The following SSBP3 variants were observed in gnomAD, a reference collection of about 807,000 sequenced individuals.
The protein encoded by SSBP3 is single stranded DNA binding protein 3, also known as single-stranded DNA-binding protein 3.
A neutral mutation model predicts 69.6 loss-of-function variants in SSBP3; 5 were observed. That is an observed-to-expected ratio of 0.07 (90% CI 0.04 to 0.15). The LOEUF (loss-of-function observed/expected upper bound fraction) is 0.15. Ranked by LOEUF, SSBP3 falls within the 10% of genes least tolerant of loss-of-function variation. The pLI, the probability that SSBP3 is intolerant of heterozygous loss-of-function variation, is 1.00. For missense variants in SSBP3, 312 were observed against 534.0 expected, an observed-to-expected ratio of 0.58 and a Z score of 4.10; for synonymous variants, 196 against 193.4, an observed-to-expected ratio of 1.01 and a Z score of -0.11.
chr1:54,236,611 C>T (rs1434592310), intron 14 of SSBP3: 1 of 152,206 alleles, frequency 6.6e-6, no homozygotes, highest in Non-Finnish European at 1.5e-5. Context: ...ATTCTCATCT[C>T]AATGCATTTC....
rs1200064967 is a variant in SSBP3, at chr1:54,236,213, T to C, written c.927+2916A>G. Among the ~76,000 whole-genome samples, 3 of 152,204 alleles carry C rather than the reference T, an allele frequency of 2.0e-5. No individual in the cohort carries two copies. In the East Asian group the frequency reaches 5.8e-4, roughly 29 times the overall value. ...TCACTGCAACCTCCACCTCCCAGGC[T>C]CAAGCGATTCTCCTGCCTCAGCCTC... On this transcript the variant is annotated intron_variant, in intron 14 of 17. Coordinates refer to ENST00000610401, the Ensembl canonical transcript of SSBP3.
chr1:54,336,527 A>G (rs1438003324), intron 4 of SSBP3, among the ~76,000 whole-genome samples: 2 of 152,052 alleles, frequency 1.3e-5, no homozygotes, highest in East Asian at 1.9e-4. Context: ...CACGGAGCCA[A>G]TGGGCTCCAA....
chr1:54,370,283 C>T (rs1417751758), intron 4 of SSBP3, among the ~76,000 whole-genome samples: 1 of 152,212 alleles, frequency 6.6e-6, no homozygotes, highest in African/African-American at 2.4e-5. Context: ...CAGGAAACAA[C>T]ATCACTGGCC....
chr1:54,306,816 T>A (rs1178810553), intron 4 of SSBP3, among the ~76,000 whole-genome samples: 1 of 151,910 alleles, frequency 6.6e-6, no homozygotes, highest in Non-Finnish European at 1.5e-5. Context: ...AAAATTTTTT[T>A]AAATAAAAAA....
chr1:54,340,413 A>C (rs1403194255), intron 4 of SSBP3, among the ~76,000 whole-genome samples: 1 of 152,126 alleles, frequency 6.6e-6, no homozygotes, highest in African/African-American at 2.4e-5. Flanking sequence ...TGCTCTCCAG[A>C]GATGTGAGCA....
intron 4 of SSBP3, among the ~76,000 whole-genome samples, chr1:54,358,650 C>T (rs1646905124): frequency 6.6e-6 from 1 of 152,092 alleles, no homozygotes; most frequent in Non-Finnish European, 1.5e-5. Flanking sequence ...GACATCCGAA[C>T]GAACAACACT....
In SSBP3 at chr1:54,277,210, C is replaced by G. The variant is rs138190194; in HGVS notation, c.366+4228G>C. On this transcript the variant is annotated intron_variant, in intron 5 of 17. Coordinates refer to ENST00000610401, the Ensembl canonical transcript of SSBP3. The stretch of plus-strand genomic sequence containing the variant: ...GTACCACCACCGACACATTCACGTT[C>G]ATGGTAGACATTGCCAGTCACTATC... Among the ~76,000 whole-genome samples the G allele has an allele frequency of 5.3e-5, 8 of 152,068 alleles. No homozygotes were observed. The South Asian group carries it at 1.5e-3, about 28-fold the overall frequency.
chr1:54,276,038 G>A (rs1199909234), intron 5 of SSBP3, among the ~76,000 whole-genome samples: 1 of 152,126 alleles, frequency 6.6e-6, no homozygotes, highest in Non-Finnish European at 1.5e-5. Context: ...AGTTCTCTAG[G>A]GACCTCAACA....
intron 4 of SSBP3, among the ~76,000 whole-genome samples, chr1:54,379,455 C>A (rs1025260235): frequency 2.6e-5 from 4 of 152,252 alleles, no homozygotes; most frequent in Non-Finnish European, 5.9e-5. Context: ...GGCTCCCAGG[C>A]TCCCAGGCTG....
intron 4 of SSBP3, among the ~76,000 whole-genome samples, chr1:54,357,416 T>C (rs1296488559): frequency 6.6e-6 from 1 of 151,864 alleles, no homozygotes. Context: ...AGTGCTTCAG[T>C]AAGTTTTTTG....
Position 54,278,420 on chromosome 1 carries a change from C to T in SSBP3, c.366+3018G>A, listed in dbSNP as rs1311625932. ...TTGCTACCAGAGACATCTCATGCCACGGGACCAGACAGGTACTGCCCGCCT... is the reference window on the plus strand; with the variant it reads ...TTGCTACCAGAGACATCTCATGCCATGGGACCAGACAGGTACTGCCCGCCT... On this transcript the variant is annotated intron_variant, in intron 5 of 17. Transcript: ENST00000610401. Among the ~76,000 whole-genome samples, 5 of 152,096 alleles carry T rather than the reference C, an allele frequency of 3.3e-5. No individual in the cohort carries two copies. The South Asian group carries it at 6.2e-4, about 19-fold the overall frequency.
intron 4 of SSBP3, among the ~76,000 whole-genome samples, chr1:54,310,049 GA>G (rs1645972335): frequency 6.6e-6 from 1 of 152,178 alleles, no homozygotes; most frequent in African/African-American, 2.4e-5. Flanking sequence ...AATACCCGCA[GA>G]TCTCGGTCCA....
At chr1:54,255,415 C>T (rs112580451) in intron 7 of SSBP3, among the ~76,000 whole-genome samples, 195 of 152,306 alleles carry the variant, frequency 1.3e-3, no homozygotes, top group African/African-American at 4.4e-3. Flanking sequence ...CTGCTGCTGG[C>T]GCCCCTATGT....
At chr1:54,373,480 C>T (rs565672742) in intron 4 of SSBP3, among the ~76,000 whole-genome samples, 1 of 152,236 alleles carries the variant, frequency 6.6e-6, no homozygotes, top group African/African-American at 2.4e-5. Flanking sequence ...AAAACAGCAA[C>T]AGGCTGGGCG....
intron 4 of SSBP3, among the ~76,000 whole-genome samples, chr1:54,389,693 C>A (rs1278676492): frequency 1.3e-5 from 2 of 150,234 alleles, no homozygotes; most frequent in African/African-American, 4.9e-5. Context: ...CCTGTCTCTA[C>A]CAAAAAAAAA....
chr1:54,393,239 G>T (rs213483), intron 4 of SSBP3, among the ~76,000 whole-genome samples: 74,632 of 152,040 alleles, frequency 0.49, 20,599 homozygotes, highest in African/African-American at 0.76. Flanking sequence ...GTTTGGAAGC[G>T]GCATATGTGA....
intron 4 of SSBP3, among the ~76,000 whole-genome samples, chr1:54,307,285 C>G (rs1441156822): frequency 6.6e-6 from 1 of 152,128 alleles, no homozygotes; most frequent in Non-Finnish European, 1.5e-5. Flanking sequence ...CCGCTCTACT[C>G]TCTACTCCCA....
chr1:54,251,596 G>C lies in SSBP3; in HGVS notation c.651+20C>G, dbSNP rs544679656. On this transcript the variant is annotated intron_variant, in intron 9 of 17. Coordinates refer to ENST00000610401, the Ensembl canonical transcript of SSBP3. ...ACACAGATGGCCAGGGAGACGGACG[G>C]ACAGACAGGCGGTGGTTACCTGTGG... The C allele has an allele frequency of 6.2e-5, 96 of 1,550,780 alleles. No homozygotes were observed. Among genetic ancestry groups the C allele is most frequent in the Non-Finnish European group, 8.2e-5 (94 of 1,146,480 alleles).
intron 4 of SSBP3, chr1:54,326,242 G>T (rs944219923): frequency 6.6e-6 from 1 of 152,406 alleles, no homozygotes; most frequent in Non-Finnish European, 1.5e-5. Flanking sequence ...AGCAACAAGA[G>T]GGGGAGGCAG....
Sources: gnomAD v4.1 joint callset for allele counts (sites outside exome capture counted in the v4.1 genomes callset) on GRCh38, gnomAD v4.1.1 for gene constraint, MANE v1.5 for transcripts, NCBI Gene and HGNC (gene_info 2026-07-23, HGNC 2026-07-21) for gene names.